Variants in DMD observed in about 807,000 individuals in gnomAD.
DMD encodes the protein mutant dystrophin.
A neutral mutation model predicts 330.1 loss-of-function variants in DMD; 63 were observed. The observed-to-expected ratio is 0.19, with a 90% CI of 0.16 to 0.24. DMD has a LOEUF of 0.24. Among genes scored for constraint, DMD ranks in the 10% least tolerant of loss-of-function variants. DMD has a pLI of 1.00. For missense variants in DMD, 3,344 were observed against 2,684.1 expected (o/e 1.25, Z -5.43); for synonymous variants, 1,223 against 959.8 (o/e 1.27, Z -5.07).
chrX:31,570,465 G>A (rs905536841), intron 55 of DMD, among the ~76,000 whole-genome samples: 41 of 110,974 alleles, frequency 3.7e-4, no homozygotes, highest in African/African-American at 1.1e-3. Flanking sequence ...GGGCTTAGGG[G>A]AGGATTAAAC....
At chrX:32,562,979 G>A (rs1437790617) in intron 16 of DMD, among the ~76,000 whole-genome samples, 1 of 111,416 alleles carries the variant, frequency 9.0e-6, no homozygotes, top group Non-Finnish European at 1.9e-5. Flanking sequence ...CAACTTACAT[G>A]ATGTTAAGTC....
intron 55 of DMD, among the ~76,000 whole-genome samples, chrX:31,527,600 A>G (rs2073345108): frequency 9.0e-6 from 1 of 111,450 alleles, no homozygotes; most frequent in African/African-American, 3.3e-5. Context: ...CCTTTTGGCT[A>G]TTTCTGTTGG....
In DMD at chrX:31,178,766, G is replaced by A; in HGVS notation, c.10126C>T (p.Leu3376=). The change falls in exon 70 of 79, where the codon CTA becomes TTA. Residue 3376 remains leucine (L), a synonymous_variant. Transcript: ENST00000357033. The stretch of plus-strand genomic sequence containing the variant: ...CTTTTGGTTCGAAATTTGTTTTTTA[G>A]TACCTTGGCAAAGTCTCGAACATCT... ...GEDVRDFAKV[L]KNKFRTKRYF... 6.6e-6 allele frequency: 8 copies of A among 1,210,983 alleles called. No individual in the cohort carries two copies. Among genetic ancestry groups the A allele is most frequent in the Non-Finnish European group, 8.9e-6 (8 of 894,846 alleles).
In DMD at chrX:31,214,937, C is replaced by CTTTTTTCT. The variant is rs1556299261; in HGVS notation, c.9362-5239_9362-5238insAGAAAAAA. Among the ~76,000 whole-genome samples the CTTTTTTCT allele has an allele frequency of 1.2e-3, 45 of 38,088 alleles. 1 individual carries two copies. The highest frequency in any genetic ancestry group is 4.5e-3 in the South Asian group (2 of 445). 33.1% of individuals were successfully genotyped at this position (38,088 alleles called of 115,157 possible). On this transcript the variant is annotated intron_variant, in intron 64 of 78. Coordinates refer to ENST00000357033, the MANE Select transcript of DMD (RefSeq NM_004006.3). Reference sequence around the variant, plus strand: ...AAAGATACTTTTTTATTTCTTTTTTCTTTTTTTTTTTTTTTTTTTTTTGAG... The same window carrying CTTTTTTCT: ...AAAGATACTTTTTTATTTCTTTTTTCTTTTTTCTTTTTTTTTTTTTTTTTTTTTTTGAG...
At chrX:32,903,114 C>A (rs1447132979) in intron 2 of DMD, among the ~76,000 whole-genome samples, 1 of 87,784 alleles carries the variant, frequency 1.1e-5, no homozygotes, top group Admixed American at 1.5e-4. Flanking sequence ...GGTTGCAGCC[C>A]AGCCTGGGCG....
intron 55 of DMD, among the ~76,000 whole-genome samples, chrX:31,586,815 T>G (rs937493866): frequency 8.9e-6 from 1 of 112,074 alleles, no homozygotes; most frequent in East Asian, 2.8e-4. Flanking sequence ...AAAAACAAAT[T>G]GATCAAAAGG....
At chrX:31,877,177 C>G (rs1485913092) in intron 47 of DMD, among the ~76,000 whole-genome samples, 1 of 111,901 alleles carries the variant, frequency 8.9e-6, no homozygotes, top group African/African-American at 3.2e-5. Context: ...ACAATATGTA[C>G]AGTGAAACGT....
intron 7 of DMD, among the ~76,000 whole-genome samples, chrX:32,805,628 A>G (rs2076895822): frequency 9.0e-6 from 1 of 111,217 alleles, no homozygotes; most frequent in Non-Finnish European, 1.9e-5. Flanking sequence ...CCCAAGACAC[A>G]TAATTGTCAG....
At position 33,045,890 on chromosome X, in the gene DMD, G is replaced by C. The variant is rs1213323180; in HGVS notation, c.32-25690C>G. On this transcript the variant is annotated intron_variant, in intron 1 of 78. Coordinates refer to ENST00000357033, the MANE Select transcript of DMD (RefSeq NM_004006.3). ...GTCGGTGCTTGAGAAGGTCATGGAA[G>C]TTAGGAGGAGCAAGCTGGCAGTCTT... 2.7e-5 allele frequency among the ~76,000 whole-genome samples: 3 copies of C among 111,453 alleles called. No individual in the cohort carries two copies. In the South Asian group the frequency reaches 1.1e-3, roughly 42 times the overall value.
chrX:32,730,891 T>G (rs181045657), intron 7 of DMD, among the ~76,000 whole-genome samples: 69 of 111,520 alleles, frequency 6.2e-4, no homozygotes, highest in Middle Eastern at 4.7e-3. Flanking sequence ...ATCAGAAATC[T>G]GATTTGAGAG....
At position 32,820,357 on chromosome X, in the gene DMD, G is replaced by A. The variant is rs769716408; in HGVS notation, c.357+2938C>T. Among the ~76,000 whole-genome samples the A allele has an allele frequency of 2.2e-3, 249 of 111,504 alleles. 1 individual carries two copies. The highest frequency in any genetic ancestry group is 7.8e-3 in the African/African-American group (238 of 30,688). On this transcript the variant is annotated intron_variant, in intron 5 of 78. Transcript: ENST00000357033. ...CTTGGGAGGCTGAGGCAAGAGAATG[G>A]CATGAACCCAGGAGGCGGAGCTTGC...
intron 29 of DMD, among the ~76,000 whole-genome samples, chrX:32,419,979 T>C (rs137979789): frequency 0.01 from 1,118 of 111,790 alleles, 13 homozygotes; most frequent in African/African-American, 0.034. Context: ...ACAAGTGAAA[T>C]TGGTCTTCTG....
intron 44 of DMD, among the ~76,000 whole-genome samples, chrX:31,993,487 C>G (rs1174290928): frequency 9.0e-6 from 1 of 111,534 alleles, no homozygotes; most frequent in East Asian, 2.8e-4. Flanking sequence ...AATTCGACTC[C>G]TGGATGGCAA....
At chrX:32,759,076 G>T (rs2071891389) in intron 7 of DMD, among the ~76,000 whole-genome samples, 1 of 111,672 alleles carries the variant, frequency 9.0e-6, no homozygotes, top group African/African-American at 3.3e-5. Flanking sequence ...TTCTACTTCT[G>T]GATGTTTCCT....
chrX:31,827,615 G>T (rs2092920890), intron 49 of DMD, among the ~76,000 whole-genome samples: 1 of 111,775 alleles, frequency 8.9e-6, no homozygotes, highest in African/African-American at 3.2e-5. Context: ...AACAATTATA[G>T]AATATACATT....
At chrX:32,926,009 C>A (rs2088977085) in intron 2 of DMD, among the ~76,000 whole-genome samples, 1 of 112,112 alleles carries the variant, frequency 8.9e-6, no homozygotes, top group Admixed American at 9.5e-5. Context: ...GTGTTCATTG[C>A]AGCATTGTTC....
At chrX:32,885,111 G>C (rs1311432954) in intron 2 of DMD, among the ~76,000 whole-genome samples, 1 of 111,788 alleles carries the variant, frequency 8.9e-6, no homozygotes, top group Non-Finnish European at 1.9e-5. Flanking sequence ...TGATCATGAT[G>C]CTAATCTGTT....
intron 37 of DMD, among the ~76,000 whole-genome samples, chrX:32,349,462 T>C (rs2097774610): frequency 9.0e-6 from 1 of 111,232 alleles, no homozygotes; most frequent in South Asian, 3.7e-4. Flanking sequence ...AGCTAAAACA[T>C]TTTACTTTTG....
intron 18 of DMD, among the ~76,000 whole-genome samples, chrX:32,508,277 C>A (rs751643327): frequency 9.0e-6 from 1 of 111,440 alleles, no homozygotes; most frequent in East Asian, 2.8e-4. Context: ...TATCTGGGTT[C>A]TGTTAGGGCA....
Sources: allele counts gnomAD v4.1 joint callset (sites outside exome capture counted in the v4.1 genomes callset), GRCh38; gene constraint gnomAD v4.1.1; transcripts MANE v1.5; gene names NCBI Gene and HGNC (gene_info 2026-07-23, HGNC 2026-07-21).